RRBP1: variants seen among roughly 807,000 people sequenced by gnomAD.
RRBP1 encodes the protein ribosome binding protein 1.
Under a neutral mutation model 165.2 loss-of-function variants are expected in RRBP1, and 94 were observed. The observed-to-expected ratio is 0.57, with a 90% CI of 0.48 to 0.68. RRBP1 has a LOEUF of 0.68. RRBP1 is among the 30% of genes least tolerant of loss of function. The probability of loss-of-function intolerance (pLI) is 0.00; values close to 1 mark genes in which losing one functional copy is unlikely to be tolerated. For synonymous variants in RRBP1, 680 were observed against 714.5 expected, an observed-to-expected ratio of 0.95 and a Z score of 0.77; for missense variants, 1,676 against 1,763.0, an observed-to-expected ratio of 0.95 and a Z score of 0.88.
intron 7 of RRBP1, among the ~76,000 whole-genome samples, chr20:17,633,881 C>G (rs1394641386): frequency 6.6e-6 from 1 of 152,236 alleles, no homozygotes. Flanking sequence ...CTCCCAGAAA[C>G]AGCCAGAAAT....
intron 3 of RRBP1, among the ~76,000 whole-genome samples, chr20:17,648,393 T>C (rs927399182): frequency 6.6e-6 from 1 of 152,210 alleles, no homozygotes. Flanking sequence ...CCCTGGGCAG[T>C]GCACAAACAG....
intron 7 of RRBP1, among the ~76,000 whole-genome samples, 162 bp from the exon 8 acceptor site, chr20:17,633,775 G>A (rs923596031): frequency 6.6e-6 from 1 of 152,216 alleles, no homozygotes; most frequent in East Asian, 1.9e-4. Flanking sequence ...TGTGGGGTTG[G>A]GCATGTGTTT....
At chr20:17,681,890 G>A (rs1351142838) in intron 1 of RRBP1, 138 bp downstream of exon 1, 4 of 146,346 alleles carry the variant, frequency 2.7e-5, no homozygotes, top group Non-Finnish European at 6.1e-5. Context: ...CGGCCGCGGC[G>A]GCAGGCGGCG....
Position 17,617,078 on chromosome 20 carries a change from G to A in RRBP1, c.3760-239C>T, listed in dbSNP as rs978791432. Among the ~76,000 whole-genome samples, 5 of 152,176 alleles carry A rather than the reference G, an allele frequency of 3.3e-5. No homozygotes were observed. The South Asian group carries it at 6.2e-4, about 19-fold the overall frequency. ...AATGTGCTCTGCTCCAAGCCCAACCGGAGGGGAGCCCTCCCTGGGAGTGAG... is the reference window on the plus strand; with the variant it reads ...AATGTGCTCTGCTCCAAGCCCAACCAGAGGGGAGCCCTCCCTGGGAGTGAG... On this transcript the variant is annotated intron_variant, in intron 20 of 24. Coordinates refer to ENST00000377813, the MANE Select transcript of RRBP1 (RefSeq NM_001365613.2).
chr20:17,668,849 A>C lies in RRBP1; in HGVS notation c.-21-8321T>G, dbSNP rs1159270779. 3.3e-5 allele frequency among the ~76,000 whole-genome samples: 5 copies of C among 152,284 alleles called. No individual in the cohort carries two copies. In the East Asian group the frequency reaches 9.6e-4, roughly 29 times the overall value. On this transcript the variant is annotated intron_variant, in intron 2 of 24. Coordinates refer to ENST00000377813, the MANE Select transcript of RRBP1 (RefSeq NM_001365613.2). The stretch of plus-strand genomic sequence containing the variant: ...CCAGGGTCAGCTCACTGCAGGTCCC[A>C]GTCACTCGCTGCAACCTTGGCTTAT...
intron 3 of RRBP1, among the ~76,000 whole-genome samples, chr20:17,651,534 G>A (rs1236351573): frequency 2.0e-5 from 3 of 152,216 alleles, no homozygotes; most frequent in Admixed American, 2.0e-4. Flanking sequence ...GAATGTGGCA[G>A]TTTCGCAGGT....
At chr20:17,619,597 T>C (rs2035867985) in intron 19 of RRBP1, 36 bp downstream of exon 19, 2 of 1,499,814 alleles carry the variant, frequency 1.3e-6, no homozygotes, top group Non-Finnish European at 1.8e-6. Context: ...GCAGATCTGC[T>C]GGGCAGGGGC....
At chr20:17,667,911 T>C (rs1318844317) in intron 2 of RRBP1, among the ~76,000 whole-genome samples, 1 of 152,266 alleles carries the variant, frequency 6.6e-6, no homozygotes, top group Non-Finnish European at 1.5e-5. Flanking sequence ...CAGAATTCCA[T>C]GCTGACAGTT....
At chr20:17,624,696 C>A in intron 12 of RRBP1, 28 bp from the exon 13 acceptor site, 1 of 1,496,718 alleles carries the variant, frequency 6.7e-7, no homozygotes. Flanking sequence ...GAAAGGTCAG[C>A]AGCCTGCACT....
At chr20:17,654,061 C>A (rs1386158237) in intron 3 of RRBP1, among the ~76,000 whole-genome samples, 1 of 152,198 alleles carries the variant, frequency 6.6e-6, no homozygotes, top group Non-Finnish European at 1.5e-5. Context: ...GGTCTGACCA[C>A]TGCACTAAAG....
chr20:17,627,745 G>A, intron 9 of RRBP1, 63 bp from the exon 10 acceptor site: 1 of 1,465,560 alleles, frequency 6.8e-7, no homozygotes, highest in Non-Finnish European at 9.2e-7. Context: ...TGTGGAGGAT[G>A]CCCTCACTGC....
At chr20:17,662,128 C>T (rs6131984) in intron 2 of RRBP1, among the ~76,000 whole-genome samples, 103,633 of 151,920 alleles carry the variant, frequency 0.68, 38,091 homozygotes, top group East Asian at 0.89. Context: ...CCAGGCGTGG[C>T]GGCGGGTGCC....
chr20:17,669,639 C>T (rs1292685491), intron 2 of RRBP1, among the ~76,000 whole-genome samples: 1 of 152,188 alleles, frequency 6.6e-6, no homozygotes, highest in African/African-American at 2.4e-5. Flanking sequence ...ACCCAAGTTT[C>T]CAGATGGGAA....
chr20:17,624,530 T>C, intron 13 of RRBP1, 46 bp downstream of exon 13: 2 of 1,287,556 alleles, frequency 1.6e-6, no homozygotes, highest in South Asian at 1.3e-5. Context: ...TTGTGCATCC[T>C]AGTGCACTTT....
intron 3 of RRBP1, among the ~76,000 whole-genome samples, chr20:17,658,186 C>A (rs1434251643): frequency 1.3e-5 from 2 of 152,220 alleles, no homozygotes; most frequent in African/African-American, 4.8e-5. Flanking sequence ...GGACTCCCTG[C>A]CCCTTGACTC....
At chr20:17,639,894 C>CAAAAAAA (rs11476981) in intron 5 of RRBP1, among the ~76,000 whole-genome samples, 1 of 98,782 alleles carries the variant, frequency 1.0e-5, no homozygotes, top group Non-Finnish European at 2.0e-5. Flanking sequence ...ACTCCAGTCT[C>CAAAAAAA]AAAAAAAAAA....
rs1252859500 is a variant in RRBP1, at chr20:17,620,320, T to C, written c.3558A>G (p.Gly1186=). 6 of 1,613,760 alleles carry C rather than the reference T, an allele frequency of 3.7e-6. No individual in the cohort carries two copies. The South Asian group carries it at 6.6e-5, about 18-fold the overall frequency. The change falls in exon 18 of 25, where the codon GGA becomes GGG. Residue 1186 remains glycine (G), a synonymous_variant. Coordinates refer to ENST00000377813, the MANE Select transcript of RRBP1 (RefSeq NM_001365613.2). ...ATACCTGGTCCGAACTTTCAAGTTC[T>C]CCTTTTAGCTTCTCTACAATCTCTT... ...HLEEIVEKLK[G]ELESSDQVRE...
chr20:17,680,480 G>A (rs947981445), intron 1 of RRBP1, among the ~76,000 whole-genome samples: 2 of 152,162 alleles, frequency 1.3e-5, no homozygotes, highest in African/African-American at 4.8e-5. Context: ...TGACGTGGGA[G>A]GCTCCTCAGG....
At chr20:17,627,017 T>C (rs1202287792) in intron 11 of RRBP1, among the ~76,000 whole-genome samples, 1 of 152,140 alleles carries the variant, frequency 6.6e-6, no homozygotes, top group Non-Finnish European at 1.5e-5. Context: ...ATCCCTTGCT[T>C]GTACACACAG....
Sources: gnomAD v4.1 joint callset for allele counts (sites outside exome capture counted in the v4.1 genomes callset) on GRCh38, gnomAD v4.1.1 for gene constraint, MANE v1.5 for transcripts, NCBI Gene and HGNC (gene_info 2026-07-23, HGNC 2026-07-21) for gene names.